The following PDE3B variants were observed in gnomAD, a reference collection of about 807,000 sequenced individuals.
PDE3B encodes the protein phosphodiesterase 3B, also known as cGMP-inhibited 3',5'-cyclic phosphodiesterase 3B.
In PDE3B, 66 loss-of-function variants were observed where a neutral mutation model predicts 116.8. The observed-to-expected ratio is 0.56, with a 90% confidence interval of 0.46 to 0.69. PDE3B has a LOEUF of 0.69. PDE3B is among the 30% of genes least tolerant of loss of function. The pLI, the probability that PDE3B is intolerant of heterozygous loss-of-function variation, is 0.00. For synonymous variants in PDE3B, 595 were observed against 533.6 expected (o/e 1.12, Z -1.59); for missense variants, 1,384 against 1,368.1 (o/e 1.01, Z -0.18).
chr11:14,803,318 G>T (rs1355725695), intron 4 of PDE3B, among the ~76,000 whole-genome samples: 1 of 152,148 alleles, frequency 6.6e-6, no homozygotes, highest in Non-Finnish European at 1.5e-5. Flanking sequence ...TTCATTGGGT[G>T]GTATTATTTG....
At chr11:14,716,224 C>T (rs1307212512) in intron 1 of PDE3B, among the ~76,000 whole-genome samples, 3 of 152,230 alleles carry the variant, frequency 2.0e-5, no homozygotes, top group Admixed American at 6.5e-5. Context: ...GCTTAAAAAA[C>T]GGCGCACCAC....
At chr11:14,678,565 A>T (rs1051195462) in intron 1 of PDE3B, among the ~76,000 whole-genome samples, 2 of 151,938 alleles carry the variant, frequency 1.3e-5, no homozygotes, top group Non-Finnish European at 2.9e-5. Flanking sequence ...TCATGATTTA[A>T]ATTTGCATTT....
At chr11:14,669,226 G>A (rs1190759057) in intron 1 of PDE3B, among the ~76,000 whole-genome samples, 1 of 152,140 alleles carries the variant, frequency 6.6e-6, no homozygotes, top group Non-Finnish European at 1.5e-5. Context: ...TCACTAACCA[G>A]AGGTGATTTT....
chr11:14,709,296 C>T (rs1855625734), intron 1 of PDE3B, among the ~76,000 whole-genome samples: 1 of 152,078 alleles, frequency 6.6e-6, no homozygotes, highest in South Asian at 2.1e-4. Context: ...CTTTTGCAGT[C>T]TTCCTGAGGA....
intron 4 of PDE3B, among the ~76,000 whole-genome samples, chr11:14,798,733 G>A (rs1858640068): frequency 6.6e-6 from 1 of 152,312 alleles, no homozygotes; most frequent in South Asian, 2.1e-4. Context: ...GGTGTTTATA[G>A]TATCCTCTGA....
chr11:14,735,423 T>C (rs942159526), intron 1 of PDE3B, among the ~76,000 whole-genome samples: 7 of 152,176 alleles, frequency 4.6e-5, no homozygotes, highest in African/African-American at 1.4e-4. Flanking sequence ...ATAGGAGTTT[T>C]AAAAATGATT....
chr11:14,892,137 G>C, the PDE3B span: 1 of 1,611,456 alleles, frequency 6.2e-7, no homozygotes, highest in Middle Eastern at 1.8e-4. Context: ...CCCCTAGCGC[G>C]AAGAGCAGCA....
intron 1 of PDE3B, among the ~76,000 whole-genome samples, chr11:14,702,284 T>G (rs1433013038): frequency 6.6e-6 from 1 of 151,832 alleles, no homozygotes; most frequent in African/African-American, 2.4e-5. Flanking sequence ...CTATTCTTAT[T>G]TTTCTGAGAT....
chr11:14,808,076 A>AG (rs1413286628), intron 5 of PDE3B, among the ~76,000 whole-genome samples: 3 of 151,982 alleles, frequency 2.0e-5, no homozygotes, highest in Non-Finnish European at 4.4e-5. Flanking sequence ...AAAAAAAAAA[A>AG]AGTAATCTTC....
intron 1 of PDE3B, among the ~76,000 whole-genome samples, chr11:14,739,555 C>T (rs1047546401): frequency 6.6e-6 from 1 of 152,170 alleles, no homozygotes; most frequent in Non-Finnish European, 1.5e-5. Context: ...CAAACAGAGA[C>T]AATTTGACTT....
intron 1 of PDE3B, among the ~76,000 whole-genome samples, chr11:14,742,179 A>G (rs942152513): frequency 1.3e-5 from 2 of 152,148 alleles, no homozygotes; most frequent in African/African-American, 4.8e-5. Flanking sequence ...TATCCTGAAG[A>G]GTGTTTTCCA....
Position 14,741,106 on chromosome 11 carries a change from G to A in PDE3B, c.979-30831G>A, listed in dbSNP as rs143334691. On this transcript the variant is annotated intron_variant, in intron 1 of 15. Coordinates refer to ENST00000282096, the MANE Select transcript of PDE3B (RefSeq NM_000922.4). ...ATTTGGGGTGGGGAGTTCTGTAGAT[G>A]TGTATTAGGTCTGCTTGGTCCAGAG... Among the ~76,000 whole-genome samples the A allele has an allele frequency of 5.3e-5, 8 of 152,192 alleles. No individual in the cohort carries two copies. The East Asian group carries it at 1.5e-3, about 29-fold the overall frequency.
chr11:14,832,521 T>C (rs996962175), intron 9 of PDE3B, among the ~76,000 whole-genome samples: 2 of 152,204 alleles, frequency 1.3e-5, no homozygotes, highest in Non-Finnish European at 2.9e-5. Context: ...AAGCCTTCTT[T>C]AATTTTCAGT....
chr11:14,669,892 A>T (rs1019332148), intron 1 of PDE3B, among the ~76,000 whole-genome samples: 1 of 152,186 alleles, frequency 6.6e-6, no homozygotes, highest in Non-Finnish European at 1.5e-5. Flanking sequence ...CTTAAGAAGA[A>T]TAGGCATAAA....
intron 1 of PDE3B, among the ~76,000 whole-genome samples, chr11:14,737,235 C>T (rs960979428): frequency 1.3e-4 from 19 of 150,882 alleles, no homozygotes; most frequent in Non-Finnish European, 2.4e-4. Flanking sequence ...GCTCTTTCAC[C>T]CAGGCTGGAC....
chr11:14,894,137 C>T, the PDE3B span, among the ~76,000 whole-genome samples: 1 of 152,176 alleles, frequency 6.6e-6, no homozygotes, highest in African/African-American at 2.4e-5. Context: ...GTATGTGTCA[C>T]AGTATCTGCA....
At chr11:14,803,879 A>G in intron 4 of PDE3B, 65 bp from the exon 5 acceptor site, 1 of 903,514 alleles carries the variant, frequency 1.1e-6, no homozygotes, top group East Asian at 2.4e-5. Context: ...ATTGAGAACC[A>G]TGAGGAAAAA....
intron 12 of PDE3B, among the ~76,000 whole-genome samples, chr11:14,854,214 G>A (rs1415091338): frequency 6.6e-6 from 1 of 152,132 alleles, no homozygotes; most frequent in Non-Finnish European, 1.5e-5. Flanking sequence ...CTCTCCCTGT[G>A]CATACACACA....
At chr11:14,751,414 A>G (rs1287916729) in intron 1 of PDE3B, among the ~76,000 whole-genome samples, 1 of 152,174 alleles carries the variant, frequency 6.6e-6, no homozygotes, top group Non-Finnish European at 1.5e-5. Context: ...CCATCTAATA[A>G]TAAATCTTGG....
Sources: gnomAD v4.1 joint callset for allele counts (sites outside exome capture counted in the v4.1 genomes callset) on GRCh38, gnomAD v4.1.1 for gene constraint, MANE v1.5 for transcripts, NCBI Gene and HGNC (gene_info 2026-07-23, HGNC 2026-07-21) for gene names.